NXPH1: variants seen among roughly 807,000 people sequenced by gnomAD.
NXPH1 encodes the protein neurexophilin-1.
NXPH1 carries 5 observed loss-of-function variants against 23.7 expected under a neutral mutation model. The observed-to-expected ratio is 0.21, with a 90% CI of 0.11 to 0.44. The LOEUF is 0.44. Ranked by LOEUF, NXPH1 falls within the 20% of genes least tolerant of loss-of-function variation. The pLI is 0.99. For missense variants in NXPH1, 324 were observed against 321.6 expected (o/e 1.01, Z -0.06); for synonymous variants, 144 against 122.2 (o/e 1.18, Z -1.18).
chr7:8,576,253 A>AAC (rs1425239401), intron 2 of NXPH1, among the ~76,000 whole-genome samples: 4 of 152,164 alleles, frequency 2.6e-5, no homozygotes, highest in Admixed American at 6.5e-5. Flanking sequence ...CTATGCCTTG[A>AAC]ACACTGTGTT....
At chr7:8,451,528 A>G (rs1816506895) in intron 2 of NXPH1, among the ~76,000 whole-genome samples, 1 of 152,228 alleles carries the variant, frequency 6.6e-6, no homozygotes, top group Non-Finnish European at 1.5e-5. Flanking sequence ...TTTATTGAAT[A>G]ACGAATTGAG....
chr7:8,487,300 C>T (rs1312394222), intron 2 of NXPH1, among the ~76,000 whole-genome samples: 1 of 152,058 alleles, frequency 6.6e-6, no homozygotes, highest in Non-Finnish European at 1.5e-5. Context: ...GGTGGGTTTT[C>T]CCATGTTGTT....
At chr7:8,670,665 A>G (rs1214693253) in intron 2 of NXPH1, among the ~76,000 whole-genome samples, 1 of 152,258 alleles carries the variant, frequency 6.6e-6, no homozygotes, top group African/African-American at 2.4e-5. Flanking sequence ...GTCATTTACC[A>G]GAAAAAATGT....
rs1819499785 is a variant in NXPH1, at chr7:8,606,656, C to T, written c.55-144352C>T. 5.3e-5 allele frequency among the ~76,000 whole-genome samples: 8 copies of T among 152,132 alleles called. No homozygotes were observed. In the South Asian group the frequency reaches 1.7e-3, roughly 31 times the overall value. ...GATACAGGACTGCTGCCCTCTCACT[C>T]TGCCTTTTCAAAAGCTTGTTAAATG... is the stretch of plus-strand genomic sequence containing the variant. On this transcript the variant is annotated intron_variant, in intron 2 of 2. Coordinates refer to ENST00000405863, the MANE Select transcript of NXPH1 (RefSeq NM_152745.3).
rs187766678 is a variant in NXPH1, at chr7:8,564,170, G to A, written c.54+128403G>A. 1.2e-4 allele frequency among the ~76,000 whole-genome samples: 18 copies of A among 151,742 alleles called. No homozygotes were observed. The South Asian group carries it at 2.1e-3, about 18-fold the overall frequency. On this transcript the variant is annotated intron_variant, in intron 2 of 2. Transcript: ENST00000405863. The stretch of plus-strand genomic sequence containing the variant: ...AGAAACATCAATCACCTTGCCATCC[G>A]CTTACTCTGATGGGGCTGCATAGTT...
intron 2 of NXPH1, among the ~76,000 whole-genome samples, chr7:8,667,721 C>G (rs1194472744): frequency 1.3e-5 from 2 of 152,036 alleles, no homozygotes; most frequent in South Asian, 4.1e-4. Flanking sequence ...ATATTTATAT[C>G]TCTACCTAGA....
chr7:8,473,727 T>C (rs1053131675), intron 2 of NXPH1, among the ~76,000 whole-genome samples: 6 of 148,078 alleles, frequency 4.1e-5, no homozygotes, highest in Non-Finnish European at 7.4e-5. Context: ...GACATCAGAA[T>C]GCTGTGTGTG....
intron 2 of NXPH1, among the ~76,000 whole-genome samples, chr7:8,473,984 G>C (rs1816918804): frequency 6.6e-6 from 1 of 152,220 alleles, no homozygotes; most frequent in South Asian, 2.1e-4. Flanking sequence ...TGAATAGCTG[G>C]ACTCACCAGT....
Position 8,747,783 on chromosome 7 carries a change from A to ACT in NXPH1, c.55-3225_55-3224insCT, listed in dbSNP as rs539123349. On this transcript the variant is annotated intron_variant, in intron 2 of 2. Coordinates refer to ENST00000405863, the MANE Select transcript of NXPH1 (RefSeq NM_152745.3). ...TTTATTCACGCACACACACACACACAGTCTCCCAAATCCAAAGGTATGTAC... is the reference window on the plus strand; with the variant it reads ...TTTATTCACGCACACACACACACACACTGTCTCCCAAATCCAAAGGTATGTAC... 3.9e-3 allele frequency among the ~76,000 whole-genome samples: 599 copies of ACT among 152,246 alleles called. 4 individuals are homozygous for ACT. The highest frequency in any genetic ancestry group is 0.013 in the African/African-American group (560 of 41,510).
intron 2 of NXPH1, among the ~76,000 whole-genome samples, chr7:8,597,474 T>G (rs2128626601): frequency 6.6e-6 from 1 of 152,192 alleles, no homozygotes; most frequent in Middle Eastern, 3.4e-3. Context: ...GAATAAAGGT[T>G]GTACAATTAC....
chr7:8,747,894 C>A (rs1177160114), intron 2 of NXPH1, among the ~76,000 whole-genome samples: 1 of 152,072 alleles, frequency 6.6e-6, no homozygotes, highest in Non-Finnish European at 1.5e-5. Context: ...AAATGCAGTA[C>A]CTTCAGAAAA....
At chr7:8,564,808 T>A (rs575080128) in intron 2 of NXPH1, among the ~76,000 whole-genome samples, 9 of 151,808 alleles carry the variant, frequency 5.9e-5, no homozygotes, top group Non-Finnish European at 1.0e-4. Context: ...ATGCACTCTG[T>A]GCTTTTTAGA....
chr7:8,745,719 A>ATTTT (rs56019801), intron 2 of NXPH1, among the ~76,000 whole-genome samples: 1,271 of 111,760 alleles, frequency 0.011, 17 homozygotes, highest in East Asian at 0.037. Context: ...CGCCCAGCTA[A>ATTTT]TTTTTTTTTT....
intron 2 of NXPH1, among the ~76,000 whole-genome samples, chr7:8,546,880 A>G (rs77835508): frequency 0.026 from 3,876 of 151,502 alleles, 159 homozygotes; most frequent in African/African-American, 0.089. Context: ...TCTGGTTTAC[A>G]TATTTGAAAC....
At chr7:8,640,848 T>TG (rs1373701595) in intron 2 of NXPH1, among the ~76,000 whole-genome samples, 2 of 151,828 alleles carry the variant, frequency 1.3e-5, no homozygotes, top group Non-Finnish European at 2.9e-5. Flanking sequence ...CAATGACTCA[T>TG]GGGGCTGGGG....
At chr7:8,580,020 G>A (rs967047391) in intron 2 of NXPH1, among the ~76,000 whole-genome samples, 3 of 152,176 alleles carry the variant, frequency 2.0e-5, no homozygotes, top group Admixed American at 6.5e-5. Context: ...AAGAGTCTGT[G>A]CCATTCCACA....
intron 2 of NXPH1, among the ~76,000 whole-genome samples, chr7:8,736,021 C>T (rs1780248446): frequency 6.6e-6 from 1 of 152,048 alleles, no homozygotes; most frequent in Non-Finnish European, 1.5e-5. Flanking sequence ...CGATTCTTCT[C>T]TTTTATTCTT....
At chr7:8,502,908 G>T (rs1817459044) in intron 2 of NXPH1, among the ~76,000 whole-genome samples, 1 of 151,976 alleles carries the variant, frequency 6.6e-6, no homozygotes, top group South Asian at 2.1e-4. Flanking sequence ...TGGGTGCTAG[G>T]TGGGGCTGGC....
At chr7:8,692,903 C>T (rs911445832) in intron 2 of NXPH1, among the ~76,000 whole-genome samples, 8 of 152,140 alleles carry the variant, frequency 5.3e-5, no homozygotes, top group African/African-American at 1.9e-4. Flanking sequence ...GAACGAATCA[C>T]CCTTAGACAA....
Sources: gnomAD v4.1 joint callset for allele counts (sites outside exome capture counted in the v4.1 genomes callset) on GRCh38, gnomAD v4.1.1 for gene constraint, MANE v1.5 for transcripts, NCBI Gene and HGNC (gene_info 2026-07-23, HGNC 2026-07-21) for gene names.